Variants in PGPEP1 observed in about 807,000 individuals in gnomAD.
PGPEP1 encodes pyroglutamyl-peptidase I.
PGPEP1 carries 15 observed loss-of-function variants against 24.1 expected under a neutral mutation model. The ratio of observed to expected loss-of-function variants is 0.62; its 90% confidence interval spans 0.42 to 0.96. The LOEUF is 0.96. Among genes scored for constraint, PGPEP1 ranks in the 40% least tolerant of loss-of-function variants. The probability of loss-of-function intolerance (pLI) is 0.00; values close to 1 mark genes in which losing one functional copy is unlikely to be tolerated. For missense variants in PGPEP1, 242 were observed against 273.4 expected, an observed-to-expected ratio of 0.89 and a Z score of 0.81; for synonymous variants, 122 against 116.4, an observed-to-expected ratio of 1.05 and a Z score of -0.31.
chr19:18,343,376 G>A (rs894557425), intron 2 of PGPEP1, among the ~76,000 whole-genome samples: 2 of 152,138 alleles, frequency 1.3e-5, no homozygotes, highest in Non-Finnish European at 2.9e-5. Flanking sequence ...TTGAGTGTTT[G>A]TACCCCAGCG....
At chr19:18,357,307 T>A in intron 3 of PGPEP1, 76 bp from the exon 4 acceptor site, 1 of 1,077,938 alleles carries the variant, frequency 9.3e-7, no homozygotes, top group South Asian at 1.4e-5. Flanking sequence ...GGATGCTGCC[T>A]TTTCCCTGGC....
chr19:18,358,098 C>T (rs1971238433), intron 4 of PGPEP1: 1 of 189,886 alleles, frequency 5.3e-6, no homozygotes, highest in Non-Finnish European at 1.1e-5. Flanking sequence ...CTCTCTCCTG[C>T]AGCTGGTGGC....
intron 4 of PGPEP1, among the ~76,000 whole-genome samples, chr19:18,360,817 G>T (rs1181874913): frequency 1.3e-5 from 2 of 151,230 alleles, no homozygotes; most frequent in African/African-American, 4.9e-5. Flanking sequence ...GAGCCACCGC[G>T]CCTGGCCTAA....
At chr19:18,361,738 T>C in intron 4 of PGPEP1, 11 of 985,430 alleles carry the variant, frequency 1.1e-5, no homozygotes, top group Non-Finnish European at 1.3e-5. Context: ...TCCTACTGAC[T>C]GACACGTTTC....
intron 2 of PGPEP1, among the ~76,000 whole-genome samples, chr19:18,350,872 C>T (rs1044246515): frequency 6.6e-6 from 1 of 152,024 alleles, no homozygotes; most frequent in South Asian, 2.1e-4. Context: ...CTGCAGCGAG[C>T]GCTGATGGCG....
rs1328425467 is a variant in PGPEP1 at position 18,342,880 on chromosome 19, A to G, written c.56A>G (p.His19Arg). ...TCAGGATTTGGCCCTTTTGGGGAAC[A>G]CACCGTGAACGCCAGTTGGATTGCA... is the stretch of plus-strand genomic sequence containing the variant. ...VVTGFGPFGE[H>R]TVNASWIAVQ... Residue 19 changes from histidine to arginine, a missense_variant, in exon 2 of 5, where the codon CAC becomes CGC. Coordinates refer to ENST00000269919, the MANE Select transcript of PGPEP1 (RefSeq NM_017712.4). 3 of 1,613,852 alleles carry G rather than the reference A, an allele frequency of 1.9e-6. No homozygotes were observed. Among genetic ancestry groups the G allele is most frequent in the Middle Eastern group, 1.6e-4 (1 of 6,082 alleles).
At position 18,340,661 on chromosome 19, in the gene PGPEP1, G is replaced by T; in HGVS notation, c.-21G>T. The T allele has an allele frequency of 6.5e-7, 1 of 1,538,248 alleles. No individual in the cohort carries two copies. Among genetic ancestry groups the T allele is most frequent in the Non-Finnish European group, 8.7e-7 (1 of 1,145,660 alleles). On this transcript the variant is annotated 5_prime_UTR_variant, in exon 1 of 5. Coordinates refer to ENST00000269919, the MANE Select transcript of PGPEP1 (RefSeq NM_017712.4). ...CGCCAGTCGCAACAGAAGCAGGTCC[G>T]AGGCACAGCCCGATCCCGCCATGGA...
At chr19:18,351,603 A>C (rs1971024691) in intron 2 of PGPEP1, among the ~76,000 whole-genome samples, 1 of 150,378 alleles carries the variant, frequency 6.6e-6, no homozygotes, top group Admixed American at 6.6e-5. Flanking sequence ...CAGCCTGGGC[A>C]ACAAAAGCAA....
At chr19:18,345,005 T>TC (rs1209352703) in intron 2 of PGPEP1, among the ~76,000 whole-genome samples, 1 of 152,080 alleles carries the variant, frequency 6.6e-6, no homozygotes, top group African/African-American at 2.4e-5. Context: ...CTTTTTGCTT[T>TC]CTTTTTTTTC....
intron 2 of PGPEP1, among the ~76,000 whole-genome samples, chr19:18,355,267 C>T (rs1049750605): frequency 2.0e-5 from 3 of 148,466 alleles, no homozygotes; most frequent in African/African-American, 7.5e-5. Flanking sequence ...CCGCACCTGG[C>T]CTTTTTTTTT....
intron 2 of PGPEP1, among the ~76,000 whole-genome samples, chr19:18,352,732 T>G (rs1971073956): frequency 1.3e-5 from 2 of 151,538 alleles, no homozygotes; most frequent in African/African-American, 2.4e-5. Context: ...ATTTTTGTAT[T>G]TTTCATAAAG....
At chr19:18,363,033 T>TTG (rs201259409) in intron 4 of PGPEP1, among the ~76,000 whole-genome samples, 4,215 of 136,766 alleles carry the variant, frequency 0.031, 74 homozygotes, top group Non-Finnish European at 0.039. Context: ...TTTTTTTTGT[T>TTG]TGTGTGTGTG....
At position 18,352,266 on chromosome 19, in the gene PGPEP1, C is replaced by CAAAAAAAAAAAAAAAAAAAAA. The variant is rs60299417; in HGVS notation, c.88-3628_88-3608dup. Among the ~76,000 whole-genome samples, 382 of 43,548 alleles carry CAAAAAAAAAAAAAAAAAAAAA rather than the reference C, an allele frequency of 8.8e-3. 37 individuals carry two copies. The highest frequency in any genetic ancestry group is 0.014 in the Non-Finnish European group (313 of 23,038). 28.6% of individuals were successfully genotyped at this position (43,548 alleles called of 152,430 possible). A position where few individuals can be genotyped will look rare whatever the true frequency, so the allele number is the denominator to read the frequency against. ...TGGGTGACAGAGCGAGACTCCGTCT[C>CAAAAAAAAAAAAAAAAAAAAA]AAAAAAAAAAAAAAAAAAAAATTAG... On this transcript the variant is annotated intron_variant, in intron 2 of 4. Transcript: ENST00000269919.
chr19:18,369,749 C>G lies in PGPEP1; in HGVS notation c.*6166C>G, dbSNP rs966766355. 6.6e-6 allele frequency: 1 copy of G among 152,090 alleles called. No individual in the cohort carries two copies. Among genetic ancestry groups the G allele is most frequent in the Non-Finnish European group, 1.5e-5 (1 of 68,018 alleles). 9.4% of individuals were successfully genotyped at this position (152,090 alleles called of 1,614,324 possible). A position where few individuals can be genotyped will look rare whatever the true frequency, so the allele number is the denominator to read the frequency against. ...CAAAGGTGACTGTGTTTTCTGCCGC[C>G]GAAGGAGGGCCCGGTCCCTCCAGGC... On this transcript the variant is annotated 3_prime_UTR_variant, in exon 5 of 5. Transcript: ENST00000269919.
intron 2 of PGPEP1, among the ~76,000 whole-genome samples, chr19:18,347,436 C>G (rs1246909877): frequency 6.6e-6 from 1 of 151,220 alleles, no homozygotes; most frequent in African/African-American, 2.4e-5. Context: ...CTCCCTGTCT[C>G]TCTCTCTCTC....
chr19:18,348,757 A>G (rs1970933758), intron 2 of PGPEP1, among the ~76,000 whole-genome samples: 1 of 152,014 alleles, frequency 6.6e-6, no homozygotes, highest in African/African-American at 2.4e-5. Flanking sequence ...CTTTGGTGAG[A>G]AACTTTTTTT....
At chr19:18,361,477 G>A (rs758363764) in intron 4 of PGPEP1, among the ~76,000 whole-genome samples, 10 of 150,120 alleles carry the variant, frequency 6.7e-5, no homozygotes, top group Non-Finnish European at 4.4e-5. Context: ...TAGAGACAAG[G>A]TGTTGCAATG....
rs1971576909 is a variant in PGPEP1 at position 18,367,170 on chromosome 19, A to AAAAAAAAAAAAAAAAAAAC, written c.*3592_*3593insAAAAAAAAAAAAACAAAAA. The AAAAAAAAAAAAAAAAAAAC allele has an allele frequency of 6.6e-6, 1 of 151,778 alleles. No individual in the cohort carries two copies. The highest frequency in any genetic ancestry group is 2.4e-5 in the African/African-American group (1 of 41,144). The allele number at this position is 151,778 out of a possible 1,614,324, so 9.4% of individuals were successfully genotyped here. On this transcript the variant is annotated 3_prime_UTR_variant, in exon 5 of 5. Transcript: ENST00000269919. ...GACTCTGTCTCAAAAAAAAAAAAAA[A>AAAAAAAAAAAAAAAAAAAC]AAAAATCCTCATGCAAGAAGGGAAG...
intron 2 of PGPEP1, among the ~76,000 whole-genome samples, chr19:18,353,801 T>C (rs1175409561): frequency 6.6e-6 from 1 of 152,218 alleles, no homozygotes; most frequent in East Asian, 1.9e-4. Flanking sequence ...TTCATCCACA[T>C]TGTACCACGG....
Sources: gnomAD v4.1 joint callset for allele counts (sites outside exome capture counted in the v4.1 genomes callset) on GRCh38, gnomAD v4.1.1 for gene constraint, MANE v1.5 for transcripts, NCBI Gene and HGNC (gene_info 2026-07-23, HGNC 2026-07-21) for gene names.